The following ATP6V1B2 variants were observed in gnomAD, a reference collection of about 807,000 sequenced individuals.
The protein encoded by ATP6V1B2 is V-type proton ATPase subunit B, brain isoform.
In ATP6V1B2, 23 loss-of-function variants were observed where a neutral mutation model predicts 66.7. That is an observed-to-expected ratio of 0.34 (90% CI 0.25 to 0.49). The LOEUF (loss-of-function observed/expected upper bound fraction) is 0.49, where lower values mean the gene tolerates loss of function less well. ATP6V1B2 is among the 20% of genes least tolerant of loss of function. The pLI is 0.99. For missense variants in ATP6V1B2, 478 were observed against 650.8 expected (o/e 0.73, Z 2.89); for synonymous variants, 278 against 236.7 (o/e 1.17, Z -1.60).
chr8:20,210,600 T>G lies in ATP6V1B2; in HGVS notation c.417T>G (p.Ile139Met). Residue 139 changes from isoleucine (I) to methionine (M), a missense_variant, in exon 5 of 14, where the codon ATT (isoleucine) becomes ATG (methionine). Physicochemically the swap from Ile to Met is conservative, Grantham distance 10. This residue lies in a region of ATP6V1B2 where 326 missense variants were observed against 545.6 expected (regional missense o/e 0.60). Transcript: ENST00000276390. The stretch of plus-strand genomic sequence containing the variant: ...TATTCAATGGATCGGGAAAACCCAT[T>G]GACAGAGGTCCTGTTGTACTGGCCG... ...GRVFNGSGKPIDRGPVVLAED... is the reference protein window; with the variant it reads ...GRVFNGSGKPMDRGPVVLAED... 6.2e-7 allele frequency: 1 copy of G among 1,613,814 alleles called. No homozygotes were observed. Among genetic ancestry groups the G allele is most frequent in the Non-Finnish European group, 8.5e-7 (1 of 1,179,778 alleles).
At chr8:20,202,503 C>T (rs1163435481) in intron 1 of ATP6V1B2, among the ~76,000 whole-genome samples, 1 of 152,162 alleles carries the variant, frequency 6.6e-6, no homozygotes, top group Non-Finnish European at 1.5e-5. Context: ...AGGCTGGATA[C>T]GTTGTTCCAA....
chr8:20,205,797 A>G (rs889123079), intron 2 of ATP6V1B2, among the ~76,000 whole-genome samples: 2 of 152,240 alleles, frequency 1.3e-5, no homozygotes, highest in African/African-American at 2.4e-5. Flanking sequence ...AAAGGATAGT[A>G]TTAGAAAAGA....
chr8:20,216,189 G>A (rs993646042), intron 10 of ATP6V1B2: 3 of 359,040 alleles, frequency 8.4e-6, no homozygotes, highest in African/African-American at 2.1e-5. Context: ...TGTTAGCCAC[G>A]TTTCAAGTGT....
rs1205875425 is a variant in ATP6V1B2 at position 20,220,704 on chromosome 8, G to C, written c.*302G>C. ...TAGTTAGTTACCTGATAACAGTCTTGTTATTTGGGTCTCTTAGACCTTACC... is the reference window on the plus strand; with the variant it reads ...TAGTTAGTTACCTGATAACAGTCTTCTTATTTGGGTCTCTTAGACCTTACC... On this transcript the variant is annotated 3_prime_UTR_variant, in exon 14 of 14. Coordinates refer to ENST00000276390, the MANE Select transcript of ATP6V1B2 (RefSeq NM_001693.4). 4.4e-6 allele frequency: 1 copy of C among 226,300 alleles called. No homozygotes were observed. Among genetic ancestry groups the C allele is most frequent in the Non-Finnish European group, 8.4e-6 (1 of 119,078 alleles). The allele number at this position is 226,300 out of a possible 1,614,324, so 14.0% of individuals were successfully genotyped here. A position where few individuals can be genotyped will look rare whatever the true frequency, so the allele number is the denominator to read the frequency against.
In ATP6V1B2 at chr8:20,217,273, T is replaced by C. The variant is rs1490590502; in HGVS notation, c.1215T>C (p.Ala405=). ...CACTATCACGGTTAATGAAGTCTGC[T>C]ATTGGAGAAGGGATGACCAGGAAGG... ...LPSLSRLMKS[A]IGEGMTRKDH... The change falls in exon 12 of 14, where the codon GCT becomes GCC. Residue 405 remains alanine (A), a synonymous_variant. Coordinates refer to ENST00000276390, the MANE Select transcript of ATP6V1B2 (RefSeq NM_001693.4). 1.2e-6 allele frequency: 2 copies of C among 1,613,328 alleles called. No individual in the cohort carries two copies. Among genetic ancestry groups the C allele is most frequent in the African/African-American group, 2.7e-5 (2 of 74,872 alleles).
chr8:20,217,383 C>T, intron 12 of ATP6V1B2, 59 bp downstream of exon 12: 1 of 1,430,504 alleles, frequency 7.0e-7, no homozygotes, highest in South Asian at 1.1e-5. Flanking sequence ...TGCTGTCTTA[C>T]ACCTCTTGTC....
Position 20,211,176 on chromosome 8 carries a change from G to A in ATP6V1B2, c.464-1G>A. On this transcript the variant is annotated splice_acceptor_variant, in intron 5 of 13. Coordinates refer to ENST00000276390, the MANE Select transcript of ATP6V1B2 (RefSeq NM_001693.4). LOFTEE classifies it high-confidence loss of function. The stretch of plus-strand genomic sequence containing the variant: ...AATTTTCCTTTTTGGAAATACATTA[G>A]GTCAGCCAATCAACCCTCAATGTCG... The A allele has an allele frequency of 1.9e-6, 3 of 1,610,178 alleles. No homozygotes were observed. The highest frequency in any genetic ancestry group is 2.5e-6 in the Non-Finnish European group (3 of 1,178,840).
At chr8:20,207,099 A>G (rs962391052) in intron 2 of ATP6V1B2, among the ~76,000 whole-genome samples, 2 of 152,260 alleles carry the variant, frequency 1.3e-5, no homozygotes, top group Non-Finnish European at 2.9e-5. Context: ...AGAAAACTAT[A>G]AAACATTGTG....
At position 20,204,417 on chromosome 8, in the gene ATP6V1B2, T is replaced by C; in HGVS notation, c.137-67T>C. 3 of 1,406,592 alleles carry C rather than the reference T, an allele frequency of 2.1e-6. No individual in the cohort carries two copies. The Admixed American group carries it at 5.3e-5, about 25-fold the overall frequency. 87.1% of individuals were successfully genotyped at this position (1,406,592 alleles called of 1,614,324 possible). A position where few individuals can be genotyped will look rare whatever the true frequency, so the allele number is the denominator to read the frequency against. ...ATAACGTAGAAAGGATTTTTGGTAA[T>C]GCCAGAGAGCTAATTTAAGCTTTTG... On this transcript the variant is annotated intron_variant, in intron 1 of 13. Transcript: ENST00000276390.
chr8:20,215,027 A>G, intron 10 of ATP6V1B2, 59 bp downstream of exon 10: 2 of 1,506,194 alleles, frequency 1.3e-6, no homozygotes, highest in Non-Finnish European at 1.8e-6. Flanking sequence ...GAGAAGACCC[A>G]TCTACCTTTT....
Position 20,220,395 on chromosome 8 carries a change from A to C in ATP6V1B2, c.1529A>C (p.Lys510Thr). ...LSEFYPRDSA[K>T]H Reference sequence around the variant, plus strand: ...GAATTTTACCCTCGAGACTCTGCAAAGCATTAGCTGCTGCTTCTGCATTGC... The same window carrying C: ...GAATTTTACCCTCGAGACTCTGCAACGCATTAGCTGCTGCTTCTGCATTGC... Residue 510 changes from lysine to threonine, a missense_variant, in exon 14 of 14, where the codon AAG becomes ACG. By Grantham distance (78) the Lys-to-Thr change is moderately conservative. Transcript: ENST00000276390. 2 of 1,571,266 alleles carry C rather than the reference A, an allele frequency of 1.3e-6. No homozygotes were observed. Among genetic ancestry groups the C allele is most frequent in the Non-Finnish European group, 8.6e-7 (1 of 1,165,292 alleles).
Position 20,211,226 on chromosome 8 carries a change from G to A in ATP6V1B2, c.513G>A (p.Gln171=), listed in dbSNP as rs142562266. The A allele has an allele frequency of 2.5e-6, 4 of 1,613,288 alleles. No homozygotes were observed. In the African/African-American group the frequency reaches 4.0e-5, roughly 16 times the overall value. Reference sequence around the variant, plus strand: ...GAATCTACCCAGAGGAAATGATTCAGACTGGCATTTCGGCCATCGATGGGA... The same window carrying A: ...GAATCTACCCAGAGGAAATGATTCAAACTGGCATTTCGGCCATCGATGGGA... ...QCRIYPEEMI[Q]TGISAIDGMN... Residue 171 remains glutamine, a synonymous_variant, in exon 6 of 14, where the codon CAG becomes CAA. Coordinates refer to ENST00000276390, the MANE Select transcript of ATP6V1B2 (RefSeq NM_001693.4).
chr8:20,207,932 A>T (rs1401060369), intron 2 of ATP6V1B2, among the ~76,000 whole-genome samples: 1 of 152,264 alleles, frequency 6.6e-6, no homozygotes, highest in African/African-American at 2.4e-5. Context: ...TATCAGTAAT[A>T]TGAATGAATA....
At chr8:20,219,262 C>G (rs2128886956) in intron 13 of ATP6V1B2, among the ~76,000 whole-genome samples, 1 of 152,248 alleles carries the variant, frequency 6.6e-6, no homozygotes, top group Middle Eastern at 3.4e-3. Flanking sequence ...CTCTTGAGTC[C>G]AAAGGCTCTA....
In ATP6V1B2 at chr8:20,197,391, G is replaced by C. The variant is rs1210655218; in HGVS notation, c.-16G>C. 2.6e-6 allele frequency: 4 copies of C among 1,524,536 alleles called. No individual in the cohort carries two copies. Among genetic ancestry groups the C allele is most frequent in the African/African-American group, 1.4e-5 (1 of 69,736 alleles). The allele number at this position is 1,524,536 out of a possible 1,614,324, so 94.4% of individuals were successfully genotyped here. On this transcript the variant is annotated 5_prime_UTR_variant, in exon 1 of 14. Transcript: ENST00000276390. ...CGCGGCGTCGCTGCTGGGCCAGTCG[G>C]GACAGAGGAGACAAGATGGCGCTGC...
intron 1 of ATP6V1B2, 128 bp from the exon 2 acceptor site, chr8:20,204,356 G>A (rs2072716755): frequency 4.1e-6 from 3 of 732,598 alleles, no homozygotes; most frequent in Admixed American, 3.0e-5. Context: ...GAAAAATTTT[G>A]TAGCTATTTG....
At chr8:20,199,856 C>T (rs1372772549) in intron 1 of ATP6V1B2, among the ~76,000 whole-genome samples, 1 of 152,108 alleles carries the variant, frequency 6.6e-6, no homozygotes, top group Non-Finnish European at 1.5e-5. Flanking sequence ...GGCAATCCGC[C>T]TACCTAGGCC....
chr8:20,199,853 C>T (rs978848890), intron 1 of ATP6V1B2, among the ~76,000 whole-genome samples: 5 of 152,100 alleles, frequency 3.3e-5, no homozygotes, highest in African/African-American at 1.2e-4. Flanking sequence ...TCAGGCAATC[C>T]GCCTACCTAG....
chr8:20,204,132 G>A, intron 1 of ATP6V1B2: 1 of 401,724 alleles, frequency 2.5e-6, no homozygotes, highest in Non-Finnish European at 4.8e-6. Context: ...ACCCTGTGCA[G>A]GCCATAGTTA....
Sources: gnomAD v4.1 joint callset for allele counts (sites outside exome capture counted in the v4.1 genomes callset) on GRCh38, gnomAD v4.1.1 for gene constraint, gnomAD v4.1.1 regional missense constraint, MANE v1.5 for transcripts, NCBI Gene and HGNC (gene_info 2026-07-23, HGNC 2026-07-21) for gene names.